The following C1QTNF3 variants were observed in gnomAD, a reference collection of about 807,000 sequenced individuals.
C1QTNF3 encodes the protein C1q and TNF related 3, also known as complement C1q tumor necrosis factor-related protein 3.
C1QTNF3 carries 26 observed loss-of-function variants against 32.6 expected under a neutral mutation model. The observed-to-expected ratio is 0.80, with a 90% CI of 0.58 to 1.11. C1QTNF3 has a LOEUF of 1.11. Ranked by LOEUF, C1QTNF3 falls within the 50% of genes least tolerant of loss-of-function variation. The pLI is 0.00. For missense variants in C1QTNF3, 362 were observed against 398.2 expected (o/e 0.91, Z 0.77); for synonymous variants, 155 against 146.0 (o/e 1.06, Z -0.44).
the C1QTNF3 span, among the ~76,000 whole-genome samples, chr5:34,050,742 A>T: frequency 6.6e-6 from 1 of 152,136 alleles, no homozygotes; most frequent in Non-Finnish European, 1.5e-5. Flanking sequence ...GGGATCCATC[A>T]TCTCCTCTCA....
the C1QTNF3 span, among the ~76,000 whole-genome samples, chr5:34,223,825 A>G: frequency 6.6e-6 from 1 of 152,144 alleles, no homozygotes; most frequent in African/African-American, 2.4e-5. Context: ...AGAAGGAAAG[A>G]AAGGGTATTC....
the C1QTNF3 span, among the ~76,000 whole-genome samples, chr5:34,084,561 G>T: frequency 6.6e-6 from 1 of 151,208 alleles, no homozygotes; most frequent in Non-Finnish European, 1.5e-5. Context: ...ATTGCATTGC[G>T]CCCCTCTGCA....
In C1QTNF3 at chr5:34,020,193, A is replaced by C. The variant is rs987117665; in HGVS notation, c.*390T>G. The stretch of plus-strand genomic sequence containing the variant: ...CATCCGATTCTCTCAAATGTTATAA[A>C]GAATAATGAACTTAAAACTTCAGGG... On this transcript the variant is annotated 3_prime_UTR_variant, in exon 6 of 6. Coordinates refer to ENST00000382065, the MANE Select transcript of C1QTNF3 (RefSeq NM_181435.6). The C allele has an allele frequency of 1.2e-5, 2 of 171,748 alleles. No homozygotes were observed. The highest frequency in any genetic ancestry group is 4.8e-5 in the African/African-American group (2 of 41,910). 10.6% of individuals were successfully genotyped at this position (171,748 alleles called of 1,614,324 possible). A position where few individuals can be genotyped will look rare whatever the true frequency, so the allele number is the denominator to read the frequency against.
chr5:34,173,374 C>A, the C1QTNF3 span, among the ~76,000 whole-genome samples: 2 of 148,134 alleles, frequency 1.4e-5, no homozygotes, highest in African/African-American at 5.0e-5. Context: ...TATACTACTT[C>A]TGATATTATC....
rs78160056 is a variant in C1QTNF3, at chr5:34,018,893, G to A, written c.*1690C>T. On this transcript the variant is annotated 3_prime_UTR_variant, in exon 6 of 6. Transcript: ENST00000382065. ...TGTAATCCCAGCACTTTGGAAGACC[G>A]AGGCAGGCAGATCACCTGAGGTCAG... Among the ~76,000 whole-genome samples the A allele has an allele frequency of 1.7e-4, 26 of 152,158 alleles. No individual in the cohort carries two copies. In the East Asian group the frequency reaches 4.8e-3, roughly 28 times the overall value.
chr5:34,053,893 G>A, the C1QTNF3 span, among the ~76,000 whole-genome samples: 7 of 152,156 alleles, frequency 4.6e-5, no homozygotes, highest in African/African-American at 1.4e-4. Flanking sequence ...CAGTAATTAT[G>A]TACTGAAAAG....
At chr5:34,234,713 C>A in the C1QTNF3 span, among the ~76,000 whole-genome samples, 4 of 152,252 alleles carry the variant, frequency 2.6e-5, no homozygotes, top group African/African-American at 9.6e-5. Flanking sequence ...ATAAACATGT[C>A]CTGTGGAAAT....
the C1QTNF3 span, among the ~76,000 whole-genome samples, chr5:34,138,302 A>G: frequency 6.6e-6 from 1 of 152,322 alleles, no homozygotes; most frequent in South Asian, 2.1e-4. Context: ...TACTAACGTG[A>G]ACACTATTTT....
At chr5:34,218,986 T>A in the C1QTNF3 span, among the ~76,000 whole-genome samples, 2 of 152,104 alleles carry the variant, frequency 1.3e-5, no homozygotes, top group Admixed American at 1.3e-4. Flanking sequence ...TTTTACAATG[T>A]GCTATTCTAA....
the C1QTNF3 span, among the ~76,000 whole-genome samples, chr5:34,107,022 A>G: frequency 2.6e-5 from 2 of 76,804 alleles, 1 homozygote; most frequent in Non-Finnish European, 5.1e-5. Flanking sequence ...ACCCTTTTAT[A>G]TAATGATCAT....
the C1QTNF3 span, among the ~76,000 whole-genome samples, chr5:34,176,729 C>A: frequency 1.3e-5 from 2 of 151,990 alleles, no homozygotes; most frequent in Admixed American, 1.3e-4. Flanking sequence ...TGGAGGCACA[C>A]ACCTGTGGTC....
In C1QTNF3 at chr5:34,043,044, C is replaced by G. The variant is rs1244841025; in HGVS notation, c.82G>C (p.Glu28Gln). The part of the protein sequence containing the change: ...PFCLCQDEYM[E>Q]VSGRTNKVVA... ...ACTTTATTAGTTCTTCCGCTCACCTCCATGTATTCATCTTGACACAGGCAA... is the reference window on the plus strand; with the variant it reads ...ACTTTATTAGTTCTTCCGCTCACCTGCATGTATTCATCTTGACACAGGCAA... The change falls in exon 1 of 6, where the codon GAG becomes CAG. Residue 28 changes from glutamate to glutamine, a missense_variant. Physicochemically the swap from Glu to Gln is conservative, Grantham distance 29. Transcript: ENST00000382065. 2 of 1,614,118 alleles carry G rather than the reference C, an allele frequency of 1.2e-6. No homozygotes were observed. Among genetic ancestry groups the G allele is most frequent in the Non-Finnish European group, 1.7e-6 (2 of 1,180,010 alleles).
At chr5:34,035,503 A>G in intron 2 of C1QTNF3, 144 bp downstream of exon 2, 1 of 688,378 alleles carries the variant, frequency 1.5e-6, no homozygotes, top group Non-Finnish European at 2.6e-6. Context: ...CTCCCAGCCT[A>G]TGAACCTGGT....
chr5:34,137,133 A>G, the C1QTNF3 span, among the ~76,000 whole-genome samples: 2 of 133,588 alleles, frequency 1.5e-5, no homozygotes, highest in Non-Finnish European at 3.3e-5. Flanking sequence ...GTACCCTAGA[A>G]CTTAAAGTAT....
At position 34,035,660 on chromosome 5, in the gene C1QTNF3, AG is replaced by A. The variant is rs1317347440; in HGVS notation, c.401del (p.Pro134LeufsTer91). 6.2e-7 allele frequency: 1 copy of A among 1,610,200 alleles called. No homozygotes were observed. The highest frequency in any genetic ancestry group is 1.7e-5 in the Admixed American group (1 of 59,274). ...GYQGPPGPPG[P>X]PGIPGNHGNN... is the part of the protein sequence containing the mutation. Reference sequence around the variant, plus strand: ...GCTCATCCTTACCTGGAATGCCAGGAGGGCCCGGTGGCCCAGGGGGGCCTTG... The same window carrying A: ...GCTCATCCTTACCTGGAATGCCAGGAGGCCCGGTGGCCCAGGGGGGCCTTG... On this transcript the variant is annotated frameshift_variant, in exon 2 of 6. Coordinates refer to ENST00000382065, the MANE Select transcript of C1QTNF3 (RefSeq NM_181435.6). LOFTEE classifies it high-confidence loss of function.
chr5:34,028,994 C>A, intron 3 of C1QTNF3, 111 bp from the exon 4 acceptor site: 1 of 842,644 alleles, frequency 1.2e-6, no homozygotes, highest in African/African-American at 1.7e-5. Flanking sequence ...TGGGAATAAA[C>A]ATCAATCTAT....
the C1QTNF3 span, among the ~76,000 whole-genome samples, chr5:34,214,333 A>G: frequency 6.6e-6 from 1 of 152,040 alleles, no homozygotes. Flanking sequence ...TAACAAACAA[A>G]ATTTCCAGAA....
the C1QTNF3 span, among the ~76,000 whole-genome samples, chr5:34,134,510 A>C: frequency 6.6e-6 from 1 of 152,168 alleles, no homozygotes; most frequent in African/African-American, 2.4e-5. Flanking sequence ...TAACCAAATA[A>C]AATAAAAATA....
chr5:34,221,781 G>C, the C1QTNF3 span, among the ~76,000 whole-genome samples: 2 of 152,018 alleles, frequency 1.3e-5, no homozygotes, highest in Non-Finnish European at 2.9e-5. Context: ...TGTAGAAAAT[G>C]ACTTTTCTAA....
Sources: gnomAD v4.1 joint callset for allele counts (sites outside exome capture counted in the v4.1 genomes callset) on GRCh38, gnomAD v4.1.1 for gene constraint, MANE v1.5 for transcripts, NCBI Gene and HGNC (gene_info 2026-07-23, HGNC 2026-07-21) for gene names.